The following NUDT13 variants were observed in gnomAD, a reference collection of about 807,000 sequenced individuals.
NUDT13 encodes the protein NAD(P)H pyrophosphatase NUDT13, mitochondrial.
A neutral mutation model predicts 41.7 loss-of-function variants in NUDT13; 40 were observed. The observed-to-expected ratio is 0.96, with a 90% CI of 0.75 to 1.25. The LOEUF is 1.25. Among genes scored for constraint, NUDT13 ranks in the 50% most tolerant of loss-of-function variants. The probability of loss-of-function intolerance (pLI) is 0.00; values close to 1 mark genes in which losing one functional copy is unlikely to be tolerated. For missense variants in NUDT13, 390 were observed against 416.1 expected (o/e 0.94, Z 0.55); for synonymous variants, 145 against 155.5 (o/e 0.93, Z 0.50).
intron 2 of NUDT13, among the ~76,000 whole-genome samples, chr10:73,115,868 G>C (rs1474242344): frequency 6.6e-6 from 1 of 152,008 alleles, no homozygotes; most frequent in East Asian, 1.9e-4. Context: ...AGATGATAAA[G>C]ACTTTTTTGT....
chr10:73,125,539 A>G lies in NUDT13; in HGVS notation c.703+30A>G, dbSNP rs1201851536. On this transcript the variant is annotated intron_variant, in intron 7 of 8. Coordinates refer to ENST00000357321, the MANE Select transcript of NUDT13 (RefSeq NM_015901.6). ...GGAGTTTAGGGGATATACAGGTGAC[A>G]CTGGAAGATATACAATCTTACTAAT... 2.9e-6 allele frequency: 4 copies of G among 1,368,710 alleles called. No homozygotes were observed. In the African/African-American group the frequency reaches 5.8e-5, roughly 20 times the overall value. 84.8% of individuals were successfully genotyped at this position (1,368,710 alleles called of 1,614,324 possible). A position where few individuals can be genotyped will look rare whatever the true frequency, so the allele number is the denominator to read the frequency against.
chr10:73,110,499 G>A lies in NUDT13; in HGVS notation c.-78G>A, dbSNP rs1842337829. 6.6e-6 allele frequency: 1 copy of A among 152,186 alleles called. No individual in the cohort carries two copies. The highest frequency in any genetic ancestry group is 6.6e-5 in the Admixed American group (1 of 15,266). 9.4% of individuals were successfully genotyped at this position (152,186 alleles called of 1,614,324 possible). ...CCAGGGAACGGAAGCCGTTGAACGT[G>A]AACATTTGGAGTTTCCTCTTTTGTG... On this transcript the variant is annotated 5_prime_UTR_variant, in exon 1 of 9. Transcript: ENST00000357321.
intron 1 of NUDT13, among the ~76,000 whole-genome samples, chr10:73,111,221 G>A (rs1348783436): frequency 2.6e-5 from 4 of 151,938 alleles, no homozygotes; most frequent in South Asian, 4.2e-4. Flanking sequence ...CTCGTGATCC[G>A]CCCACCTCGG....
At chr10:73,130,470 AAAAAT>A (rs1267048262) in intron 8 of NUDT13, 2 of 157,348 alleles carry the variant, frequency 1.3e-5, no homozygotes, top group Non-Finnish European at 2.6e-5. Flanking sequence ...CTAAAAAAAA[AAAAAT>A]ATATATATAT....
Position 73,126,719 on chromosome 10 carries a change from G to A in NUDT13, c.750G>A (p.Val250=). ...ETIRREVAEE[V]GLEVESLQYY... ...TCCGCCGAGAAGTTGCAGAAGAGGT[G>A]GGATTGGAGGTGGAAAGCCTGCAGT... Residue 250 remains valine (V), a synonymous_variant, in exon 8 of 9, where the codon GTG becomes GTA. Transcript: ENST00000357321. 5 of 1,614,120 alleles carry A rather than the reference G, an allele frequency of 3.1e-6. No individual in the cohort carries two copies. Among genetic ancestry groups the A allele is most frequent in the Non-Finnish European group, 4.2e-6 (5 of 1,179,998 alleles).
At chr10:73,116,375 A>G (rs1842508803) in intron 2 of NUDT13, among the ~76,000 whole-genome samples, 1 of 152,122 alleles carries the variant, frequency 6.6e-6, no homozygotes, top group African/African-American at 2.4e-5. Context: ...GAATACAAAT[A>G]TAAAACTCCT....
chr10:73,129,849 G>A (rs1034022799), intron 8 of NUDT13, among the ~76,000 whole-genome samples: 30 of 151,542 alleles, frequency 2.0e-4, no homozygotes, highest in Admixed American at 7.2e-4. Flanking sequence ...GTGTGGTGGC[G>A]GGTGCCTGTA....
intron 1 of NUDT13, among the ~76,000 whole-genome samples, chr10:73,110,832 CTTAA>C (rs1029544224): frequency 3.3e-5 from 5 of 152,000 alleles, no homozygotes; most frequent in African/African-American, 9.7e-5. Context: ...CACATTGTGC[CTTAA>C]TTTTTATTTT....
chr10:73,127,541 C>T (rs919083245), intron 8 of NUDT13, among the ~76,000 whole-genome samples: 4 of 151,346 alleles, frequency 2.6e-5, no homozygotes, highest in South Asian at 2.1e-4. Context: ...CTTACTCTGT[C>T]GCCCAGCCTG....
chr10:73,129,563 TG>T (rs1842866889), intron 8 of NUDT13, among the ~76,000 whole-genome samples: 1 of 152,162 alleles, frequency 6.6e-6, no homozygotes, highest in South Asian at 2.1e-4. Context: ...TTGTATGTTT[TG>T]GTTTTTATAG....
Position 73,131,046 on chromosome 10 carries a change from T to G in NUDT13, c.*143T>G. The G allele has an allele frequency of 4.9e-6, 3 of 614,356 alleles. No individual in the cohort carries two copies. Among genetic ancestry groups the G allele is most frequent in the Non-Finnish European group, 8.5e-6 (3 of 353,700 alleles). The allele number at this position is 614,356 out of a possible 1,614,324, so 38.1% of individuals were successfully genotyped here. Reference sequence around the variant, plus strand: ...AAGGGTGAGCCTACAGTAAGACACTTCTATCAGCAGTGTTAATGGAAGAAA... The same window carrying G: ...AAGGGTGAGCCTACAGTAAGACACTGCTATCAGCAGTGTTAATGGAAGAAA... On this transcript the variant is annotated 3_prime_UTR_variant, in exon 9 of 9. Coordinates refer to ENST00000357321, the MANE Select transcript of NUDT13 (RefSeq NM_015901.6).
rs762630537 is a variant in NUDT13, at chr10:73,126,699, C to T, written c.730C>T (p.Arg244Ter). 3.2e-5 allele frequency: 51 copies of T among 1,613,982 alleles called. No individual in the cohort carries two copies. Among genetic ancestry groups the T allele is most frequent in the Non-Finnish European group, 4.1e-5 (48 of 1,180,020 alleles). Reference sequence around the variant, plus strand: ...TGAAAGTGTGGAAGAGACCATCCGCCGAGAAGTTGCAGAAGAGGTGGGATT... The same window carrying T: ...TGAAAGTGTGGAAGAGACCATCCGCTGAGAAGTTGCAGAAGAGGTGGGATT... ...IGESVEETIR[R>*]EVAEEVGLEV... The change falls in exon 8 of 9, where the codon CGA (arginine) becomes TGA (stop). Residue 244 changes from arginine (R) to a stop codon, truncating the protein, a stop_gained. Transcript: ENST00000357321. LOFTEE classifies it high-confidence loss of function.
intron 5 of NUDT13, 184 bp downstream of exon 5, chr10:73,124,504 G>A (rs1842725222): frequency 1.8e-6 from 1 of 545,036 alleles, no homozygotes; most frequent in Non-Finnish European, 3.3e-6. Context: ...TTCTGCCCTT[G>A]TTTTTGGCAG....
chr10:73,113,597 A>AT (rs2133200079), intron 1 of NUDT13, among the ~76,000 whole-genome samples: 1 of 152,162 alleles, frequency 6.6e-6, no homozygotes, highest in South Asian at 2.1e-4. Flanking sequence ...CATCTTTTAC[A>AT]TTTTTGTGTT....
intron 1 of NUDT13, among the ~76,000 whole-genome samples, chr10:73,111,203 C>T (rs1842358263): frequency 6.6e-6 from 1 of 152,140 alleles, no homozygotes; most frequent in Non-Finnish European, 1.5e-5. Flanking sequence ...TGGTCTCGAT[C>T]TCCTGACCTC....
intron 1 of NUDT13, among the ~76,000 whole-genome samples, chr10:73,114,055 A>C (rs559525841): frequency 6.6e-6 from 1 of 152,112 alleles, no homozygotes; most frequent in Non-Finnish European, 1.5e-5. Flanking sequence ...AAAATTTCCT[A>C]ATGTTGTGAC....
intron 1 of NUDT13, 52 bp from the exon 2 acceptor site, chr10:73,114,300 ATTACT>A: frequency 1.2e-6 from 1 of 832,402 alleles, no homozygotes; most frequent in East Asian, 2.7e-5. Context: ...TTGGCAATTC[ATTACT>A]TTAAATTTCA....
intron 4 of NUDT13, among the ~76,000 whole-genome samples, chr10:73,123,641 T>G (rs1490546151): frequency 5.9e-5 from 9 of 152,254 alleles, no homozygotes; most frequent in Admixed American, 3.9e-4. Flanking sequence ...TTGAGAATCT[T>G]GCTTTTTAAA....
rs759520144 is a variant in NUDT13, at chr10:73,122,226, AT to A, written c.277del (p.Ser93LeufsTer3). On this transcript the variant is annotated frameshift_variant, in exon 4 of 9. Coordinates refer to ENST00000357321, the MANE Select transcript of NUDT13 (RefSeq NM_015901.6). LOFTEE classifies it high-confidence loss of function. ...KFGQDAQRIE[D>X]SVLIGCSEQQ... is the part of the protein sequence containing the mutation. ...GGACAGGATGCACAAAGAATAGAAG[AT>A]TCTGTGCTGATTGGATGCTCTGAGC... is the stretch of plus-strand genomic sequence containing the variant. The A allele has an allele frequency of 6.2e-7, 1 of 1,614,120 alleles. No homozygotes were observed. The highest frequency in any genetic ancestry group is 1.1e-5 in the South Asian group (1 of 91,082).
Sources: gnomAD v4.1 joint callset for allele counts (sites outside exome capture counted in the v4.1 genomes callset) on GRCh38, gnomAD v4.1.1 for gene constraint, MANE v1.5 for transcripts, NCBI Gene and HGNC (gene_info 2026-07-23, HGNC 2026-07-21) for gene names.